Variants in SYN1 observed in about 807,000 individuals in gnomAD.
SYN1 encodes synapsin I, also known as synapsin-1.
Under a neutral mutation model 44.6 loss-of-function variants are expected in SYN1, and 8 were observed. The ratio of observed to expected loss-of-function variants is 0.18; its 90% confidence interval spans 0.11 to 0.32. SYN1 has a LOEUF of 0.32. Among genes scored for constraint, SYN1 ranks in the 10% least tolerant of loss-of-function variants. The pLI is 1.00. For synonymous variants in SYN1, 275 were observed against 280.1 expected, an observed-to-expected ratio of 0.98 and a Z score of 0.18; for missense variants, 451 against 639.4, an observed-to-expected ratio of 0.71 and a Z score of 3.18.
intron 5 of SYN1, among the ~76,000 whole-genome samples, chrX:47,598,855 A>T (rs187712323): frequency 1.5e-3 from 162 of 108,976 alleles, no homozygotes; most frequent in Non-Finnish European, 2.3e-3. Flanking sequence ...AATAAATAAA[A>T]AATAAAAAAC....
Position 47,574,558 on chromosome X carries a change from G to A in SYN1, c.1426C>T (p.Arg476Cys). 2 of 1,089,491 alleles carry A rather than the reference G, an allele frequency of 1.8e-6. No individual in the cohort carries two copies. Among genetic ancestry groups the A allele is most frequent in the Non-Finnish European group, 2.4e-6 (2 of 837,613 alleles). The allele number at this position is 1,089,491 out of a possible 1,213,427, so 89.8% of individuals were successfully genotyped here. A position where few individuals can be genotyped will look rare whatever the true frequency, so the allele number is the denominator to read the frequency against. Residue 476 changes from arginine (R) to cysteine (C), a missense_variant, in exon 12 of 13, where the codon CGC (arginine) becomes TGC (cysteine). This residue lies in a region of SYN1 where 315 missense variants were observed against 451.4 expected (regional missense o/e 0.70). Coordinates refer to ENST00000295987, the MANE Select transcript of SYN1 (RefSeq NM_006950.3). The part of the protein sequence containing the change: ...GPPQPGPGPQ[R>C]QGPPLQQRPP... The stretch of plus-strand genomic sequence containing the variant: ...CGCTGCTGCAATGGGGGTCCCTGGC[G>A]CTGGGGGCCTGGACCCGGCTGTGGA...
intron 1 of SYN1, 134 bp downstream of exon 1, chrX:47,619,218 A>G: frequency 1.0e-6 from 1 of 993,468 alleles, no homozygotes; most frequent in Non-Finnish European, 1.4e-6. Context: ...CATCCAGCTT[A>G]ATAATTTAAA....
chrX:47,589,629 G>C (rs2057841394), intron 5 of SYN1, among the ~76,000 whole-genome samples: 1 of 107,644 alleles, frequency 9.3e-6, no homozygotes, highest in Non-Finnish European at 1.9e-5. Context: ...AGGAACCCTG[G>C]AGCCAGATCA....
intron 6 of SYN1, 37 bp downstream of exon 6, chrX:47,577,402 A>G (rs1198110557): frequency 1.7e-6 from 2 of 1,174,951 alleles, no homozygotes; most frequent in Admixed American, 4.5e-5. Context: ...TTGCACAAAT[A>G]CACATCTACC....
chrX:47,605,427 A>G, intron 3 of SYN1, 48 bp from the exon 4 acceptor site: 1 of 1,194,506 alleles, frequency 8.4e-7, no homozygotes, highest in Admixed American at 2.2e-5. Context: ...AGAAGCTCCC[A>G]ATCACTCTCG....
intron 1 of SYN1, among the ~76,000 whole-genome samples, chrX:47,616,473 C>T (rs1295385442): frequency 7.2e-5 from 8 of 111,606 alleles, no homozygotes; most frequent in Non-Finnish European, 1.5e-4. Context: ...AGGAAGCAGA[C>T]GCAAAGGACC....
At chrX:47,602,557 G>A (rs780537136) in intron 5 of SYN1, among the ~76,000 whole-genome samples, 65 of 110,487 alleles carry the variant, frequency 5.9e-4, no homozygotes, top group Middle Eastern at 4.7e-3. Context: ...CAGGAGATTC[G>A]CTTGAACCCA....
At chrX:47,619,144 G>A in intron 1 of SYN1, among the ~76,000 whole-genome samples, 1 of 110,916 alleles carries the variant, frequency 9.0e-6, no homozygotes, top group Non-Finnish European at 1.9e-5. Flanking sequence ...CCTGATAATT[G>A]CTCCCTGGAT....
At chrX:47,582,545 C>G (rs774833480) in intron 5 of SYN1, 1 of 354,154 alleles carries the variant, frequency 2.8e-6, no homozygotes. Flanking sequence ...CCACCAGGCC[C>G]GTGCACTCCC....
intron 5 of SYN1, chrX:47,582,215 G>C (rs948713183): frequency 1.5e-5 from 2 of 131,331 alleles, no homozygotes; most frequent in Admixed American, 1.6e-4. Flanking sequence ...ACGTGGAGGT[G>C]GGGGAGGTGG....
chrX:47,585,681 C>T (rs1489047462), intron 5 of SYN1: 1 of 1,208,704 alleles, frequency 8.3e-7, no homozygotes, highest in Non-Finnish European at 1.1e-6. Context: ...AGTGCCTGGA[C>T]CCTGACCTCC....
intron 5 of SYN1, among the ~76,000 whole-genome samples, chrX:47,589,727 T>G (rs773401222): frequency 4.1e-4 from 46 of 111,418 alleles, no homozygotes; most frequent in Middle Eastern, 4.7e-3. Context: ...TTCCTGCATC[T>G]GTAAGACAGG....
At chrX:47,585,919 T>C (rs1318338823) in intron 5 of SYN1, 4 of 1,113,417 alleles carry the variant, frequency 3.6e-6, no homozygotes, top group Admixed American at 2.7e-5. Flanking sequence ...TAATTCTCCC[T>C]TGTGACTATT....
intron 3 of SYN1, among the ~76,000 whole-genome samples, chrX:47,606,265 T>C (rs947965029): frequency 2.8e-5 from 3 of 107,522 alleles, no homozygotes; most frequent in African/African-American, 1.0e-4. Context: ...CACAGTAGAA[T>C]GTAAGTTTCA....
At chrX:47,604,245 T>C (rs1465692538) in intron 5 of SYN1, among the ~76,000 whole-genome samples, 3 of 108,452 alleles carry the variant, frequency 2.8e-5, no homozygotes, top group Admixed American at 9.9e-5. Flanking sequence ...AAAAGTTCAA[T>C]TTCTATTAAT....
At chrX:47,589,183 GT>G (rs2057838356) in intron 5 of SYN1, among the ~76,000 whole-genome samples, 1 of 107,846 alleles carries the variant, frequency 9.3e-6, no homozygotes, top group Admixed American at 1.0e-4. Flanking sequence ...TGTGGTCCCA[GT>G]TACTTGGGAG....
intron 5 of SYN1, chrX:47,583,430 G>T: frequency 8.3e-7 from 1 of 1,205,542 alleles, no homozygotes. Flanking sequence ...CCCCCTTTGA[G>T]CCCCTGGCTT....
chrX:47,574,772 G>C lies in SYN1; in HGVS notation c.1309C>G (p.Pro437Ala). The part of the protein sequence containing the change: ...SPGRGSHGQT[P>A]SPGALPLGRQ... ...CCCAAGGGCAGGGCCCCTGGGGACG[G>C]AGTCTGCGGCAGAGGAATGGAGCAG... The change falls in exon 11 of 13, where the codon CCG becomes GCG. Residue 437 changes from proline (P) to alanine (A), a missense_variant. By Grantham distance (27) the Pro-to-Ala change is conservative (BLOSUM62 -1). Around this residue, in one of 3 missense-constraint regions of SYN1, gnomAD observed 315 missense variants for 451.4 expected, o/e 0.70. Transcript: ENST00000295987. 2 of 1,184,720 alleles carry C rather than the reference G, an allele frequency of 1.7e-6. No individual in the cohort carries two copies. The highest frequency in any genetic ancestry group is 2.3e-6 in the Non-Finnish European group (2 of 881,515).
chrX:47,619,239 T>A, intron 1 of SYN1, 113 bp downstream of exon 1: 1 of 1,073,303 alleles, frequency 9.3e-7, no homozygotes. Flanking sequence ...GGAAAAAGAT[T>A]TAGGTGAGAG....
Sources: allele counts gnomAD v4.1 joint callset (sites outside exome capture counted in the v4.1 genomes callset), GRCh38; gene constraint gnomAD v4.1.1; regional missense constraint gnomAD v4.1.1; transcripts MANE v1.5; gene names NCBI Gene and HGNC (gene_info 2026-07-23, HGNC 2026-07-21).